Variants in PTPN11 observed in about 807,000 individuals in gnomAD.
The protein encoded by PTPN11 is protein tyrosine phosphatase non-receptor type 11.
PTPN11 carries 6 observed loss-of-function variants against 78.8 expected under a neutral mutation model. The ratio of observed to expected loss-of-function variants is 0.08; its 90% CI spans 0.04 to 0.15. PTPN11 has a LOEUF of 0.15. Ranked by LOEUF, PTPN11 falls within the 10% of genes least tolerant of loss-of-function variation. The pLI is 1.00. For synonymous variants in PTPN11, 221 were observed against 263.5 expected (o/e 0.84, Z 1.56); for missense variants, 386 against 744.8 (o/e 0.52, Z 5.61).
At chr12:112,459,097 G>A (rs1275163554) in intron 6 of PTPN11, among the ~76,000 whole-genome samples, 1 of 151,998 alleles carries the variant, frequency 6.6e-6, no homozygotes, top group African/African-American at 2.4e-5. Context: ...CCTCACTGTT[G>A]CCTTCCTTGT....
At chr12:112,492,154 A>G (rs555180978) in intron 13 of PTPN11, among the ~76,000 whole-genome samples, 204 of 152,312 alleles carry the variant, frequency 1.3e-3, no homozygotes, top group Middle Eastern at 6.8e-3. Context: ...TCTCTTGACT[A>G]TATTCTAGTC....
intron 1 of PTPN11, among the ~76,000 whole-genome samples, chr12:112,429,573 G>A (rs978632807): frequency 1.4e-3 from 204 of 150,326 alleles, no homozygotes; most frequent in African/African-American, 4.8e-3. Flanking sequence ...AGGCTGAGGC[G>A]GACAGATCAC....
chr12:112,480,060 A>G (rs1459169985), intron 9 of PTPN11, among the ~76,000 whole-genome samples: 1 of 152,184 alleles, frequency 6.6e-6, no homozygotes, highest in Non-Finnish European at 1.5e-5. Flanking sequence ...CTCACATTTT[A>G]GAATTTGTTT....
At chr12:112,466,863 G>A (rs916371151) in intron 6 of PTPN11, among the ~76,000 whole-genome samples, 17 of 152,222 alleles carry the variant, frequency 1.1e-4, no homozygotes, top group Admixed American at 2.0e-4. Context: ...CATGGTGCCT[G>A]GGGATGCCTG....
At chr12:112,469,572 T>C (rs7975267) in intron 6 of PTPN11, among the ~76,000 whole-genome samples, 5,963 of 152,208 alleles carry the variant, frequency 0.039, 265 homozygotes, top group African/African-American at 0.11. Flanking sequence ...TGGAGTGCAG[T>C]GACACAATCT....
chr12:112,444,546 G>A (rs902704634), intron 1 of PTPN11, among the ~76,000 whole-genome samples: 35 of 152,026 alleles, frequency 2.3e-4, no homozygotes, highest in African/African-American at 7.7e-4. Flanking sequence ...CTCCATGTTG[G>A]TCAGGCTGCT....
intron 6 of PTPN11, among the ~76,000 whole-genome samples, chr12:112,458,342 C>G (rs550545610): frequency 9.8e-5 from 15 of 152,360 alleles, no homozygotes; most frequent in Admixed American, 2.0e-4. Context: ...TCCTGAGTAG[C>G]TGGTACTACA....
At chr12:112,421,259 A>G (rs901620590) in intron 1 of PTPN11, among the ~76,000 whole-genome samples, 4 of 152,244 alleles carry the variant, frequency 2.6e-5, no homozygotes, top group Non-Finnish European at 4.4e-5. Flanking sequence ...TATAAATGAC[A>G]TGCAATTAAT....
At chr12:112,450,728 T>A (rs1416367813) in intron 3 of PTPN11, among the ~76,000 whole-genome samples, 2 of 152,240 alleles carry the variant, frequency 1.3e-5, no homozygotes, top group African/African-American at 4.8e-5. Flanking sequence ...TTACTTACAC[T>A]CATCCTATAG....
At chr12:112,491,864 G>T (rs1431283720) in intron 13 of PTPN11, among the ~76,000 whole-genome samples, 2 of 152,092 alleles carry the variant, frequency 1.3e-5, no homozygotes, top group African/African-American at 4.8e-5. Context: ...GCACCACCAT[G>T]CCTGGCTAAG....
intron 6 of PTPN11, among the ~76,000 whole-genome samples, chr12:112,461,542 G>T (rs1270513388): frequency 1.3e-5 from 2 of 151,954 alleles, no homozygotes; most frequent in Non-Finnish European, 2.9e-5. Context: ...TCCCAGGCTG[G>T]TCTTGAATGT....
chr12:112,477,005 CT>C (rs980935735), intron 7 of PTPN11, among the ~76,000 whole-genome samples: 2 of 151,334 alleles, frequency 1.3e-5, no homozygotes, highest in African/African-American at 2.4e-5. Context: ...CTTCAATCTT[CT>C]TTTTTTTTAA....
At chr12:112,502,012 T>A in intron 13 of PTPN11, 132 bp from the exon 14 acceptor site, 1 of 711,774 alleles carries the variant, frequency 1.4e-6, no homozygotes, top group East Asian at 2.7e-5. Flanking sequence ...AATGTATCAG[T>A]ATTCTCAACC....
chr12:112,493,111 T>A (rs1405309808), intron 13 of PTPN11, among the ~76,000 whole-genome samples: 2 of 151,530 alleles, frequency 1.3e-5, no homozygotes, highest in Admixed American at 6.6e-5. Context: ...AAGGCTGGAG[T>A]GCAGTGCCAC....
At chr12:112,419,349 C>T (rs916236502) in intron 1 of PTPN11, among the ~76,000 whole-genome samples, 1 of 152,156 alleles carries the variant, frequency 6.6e-6, no homozygotes, top group Non-Finnish European at 1.5e-5. Context: ...CCCCGAGTTC[C>T]GGCTGCGGCA....
At chr12:112,434,802 T>C (rs1440201404) in intron 1 of PTPN11, among the ~76,000 whole-genome samples, 1 of 152,096 alleles carries the variant, frequency 6.6e-6, no homozygotes, top group East Asian at 1.9e-4. Context: ...GTTTGTTTTT[T>C]TTGAGACAGA....
chr12:112,444,693 G>T (rs1010250794), intron 1 of PTPN11, among the ~76,000 whole-genome samples: 1 of 152,122 alleles, frequency 6.6e-6, no homozygotes. Context: ...GAAACTAAGA[G>T]AATGAACTAT....
chr12:112,501,193 T>C (rs2038870594), intron 13 of PTPN11, among the ~76,000 whole-genome samples: 1 of 151,994 alleles, frequency 6.6e-6, no homozygotes, highest in Non-Finnish European at 1.5e-5. Flanking sequence ...CCTATAGGAG[T>C]AGAAAAGGGT....
Position 112,455,263 on chromosome 12 carries a change from T to C in PTPN11, c.642+583T>C, listed in dbSNP as rs1245641729. 2.1e-5 allele frequency among the ~76,000 whole-genome samples: 3 copies of C among 141,144 alleles called. No individual in the cohort carries two copies. The Admixed American group carries it at 2.2e-4, about 10-fold the overall frequency. 92.6% of individuals were successfully genotyped at this position (141,144 alleles called of 152,430 possible). ...TTTTTTTTTTTTTTTTGAGATGGAG[T>C]TTTGCTCTGTCGCCCAGGCTGGAGT... is the stretch of plus-strand genomic sequence containing the variant. On this transcript the variant is annotated intron_variant, in intron 5 of 15. Coordinates refer to ENST00000351677, the MANE Select transcript of PTPN11 (RefSeq NM_002834.5).
Sources: gnomAD v4.1 joint callset for allele counts (sites outside exome capture counted in the v4.1 genomes callset) on GRCh38, gnomAD v4.1.1 for gene constraint, MANE v1.5 for transcripts, NCBI Gene and HGNC (gene_info 2026-07-23, HGNC 2026-07-21) for gene names.